NXPE2: variants seen among roughly 807,000 people sequenced by gnomAD.
NXPE2 encodes the protein NXPE family member 2.
NXPE2 carries 34 observed loss-of-function variants against 34.4 expected under a neutral mutation model. That is an observed-to-expected ratio of 0.99 (90% CI 0.75 to 1.31). NXPE2 has a LOEUF of 1.31. Ranked by LOEUF, NXPE2 falls within the 40% of genes most tolerant of loss-of-function variation. The probability of loss-of-function intolerance (pLI) is 0.00; values close to 1 mark genes in which losing one functional copy is unlikely to be tolerated. For synonymous variants in NXPE2, 235 were observed against 231.3 expected (o/e 1.02, Z -0.15); for missense variants, 649 against 672.5 (o/e 0.97, Z 0.39).
chr11:114,787,279 G>A, the NXPE2 span, among the ~76,000 whole-genome samples: 2 of 152,182 alleles, frequency 1.3e-5, no homozygotes, highest in Admixed American at 6.5e-5. Flanking sequence ...GCTCATGCAG[G>A]CAGGCTGGGA....
chr11:114,562,011 T>C, the NXPE2 span, among the ~76,000 whole-genome samples: 61 of 152,224 alleles, frequency 4.0e-4, no homozygotes, highest in Non-Finnish European at 8.1e-4. Flanking sequence ...TAAGTATGGC[T>C]GCAATATCCT....
At chr11:114,674,842 G>T (rs1341511516), upstream of NXPE2, among the ~76,000 whole-genome samples, 1 of 151,598 alleles carries the variant, frequency 6.6e-6, no homozygotes, top group Non-Finnish European at 1.5e-5. Flanking sequence ...AGACAAGGAC[G>T]CTAGGAGAAA....
the NXPE2 span, chr11:114,581,713 A>C: frequency 6.2e-7 from 1 of 1,605,940 alleles, no homozygotes; most frequent in Non-Finnish European, 8.5e-7. Flanking sequence ...CACCAAACAC[A>C]GGAGTACTTA....
chr11:114,774,281 T>C, the NXPE2 span, among the ~76,000 whole-genome samples: 16 of 152,350 alleles, frequency 1.1e-4, 1 homozygote, highest in Middle Eastern at 6.8e-3. Flanking sequence ...AGAACATTTG[T>C]AAAACCTGCC....
the NXPE2 span, among the ~76,000 whole-genome samples, chr11:114,617,319 C>T: frequency 2.0e-5 from 3 of 151,924 alleles, no homozygotes; most frequent in Admixed American, 6.6e-5. Flanking sequence ...AGTTTTGCCT[C>T]GTGGGTAACC....
In NXPE2 at chr11:114,706,710, T is replaced by A. The variant is rs557302723; in HGVS notation, c.1460T>A (p.Leu487His). 4.6e-5 allele frequency: 72 copies of A among 1,552,272 alleles called. No homozygotes were observed. In the East Asian group the frequency reaches 1.6e-3, roughly 35 times the overall value. ...CGAAGCCCGGAGACCAAGGTGATAC[T>A]TAAAACTGAAAACACCAGAGAGATA... is the stretch of plus-strand genomic sequence containing the variant. ...FLRSPETKVI[L>H]KTENTREIEQ... Residue 487 changes from leucine to histidine, a missense_variant, in exon 6 of 6, where the codon CTT (leucine) becomes CAT (histidine). Transcript: ENST00000389586.
chr11:114,624,415 G>A, the NXPE2 span, among the ~76,000 whole-genome samples: 1 of 152,042 alleles, frequency 6.6e-6, no homozygotes, highest in African/African-American at 2.4e-5. Context: ...GGTAACCACT[G>A]TTACCCACTG....
At chr11:114,615,023 T>C in the NXPE2 span, among the ~76,000 whole-genome samples, 1,847 of 151,664 alleles carry the variant, frequency 0.012, 36 homozygotes, top group African/African-American at 0.042. Context: ...TCCTCGTGGG[T>C]AACCAGTGTT....
chr11:114,679,239 T>C (rs1273787856), intron 1 of NXPE2, among the ~76,000 whole-genome samples: 5 of 38,224 alleles, frequency 1.3e-4, no homozygotes, highest in Non-Finnish European at 2.6e-4. Context: ...CCAGACAACA[T>C]GTGTGTGCGT....
the NXPE2 span, among the ~76,000 whole-genome samples, chr11:114,787,914 G>T: frequency 6.6e-6 from 1 of 151,886 alleles, no homozygotes; most frequent in Non-Finnish European, 1.5e-5. Context: ...GCTCTTTCCC[G>T]CTTTCTGCAT....
the NXPE2 span, among the ~76,000 whole-genome samples, chr11:114,804,338 G>A: frequency 6.6e-6 from 1 of 152,210 alleles, no homozygotes; most frequent in African/African-American, 2.4e-5. Context: ...CCTTCACTCA[G>A]GAAACTGTGT....
chr11:114,490,153 C>T, the NXPE2 span, among the ~76,000 whole-genome samples: 58 of 152,180 alleles, frequency 3.8e-4, no homozygotes, highest in Admixed American at 4.6e-4. Flanking sequence ...TTACAAGGGA[C>T]GTGAAGGACC....
chr11:114,668,499 T>C, the NXPE2 span, among the ~76,000 whole-genome samples: 4 of 151,976 alleles, frequency 2.6e-5, no homozygotes, highest in Non-Finnish European at 5.9e-5. Context: ...AACAGTGAGG[T>C]TGAGGTTCTA....
chr11:114,479,464 A>G, the NXPE2 span, among the ~76,000 whole-genome samples: 1 of 152,100 alleles, frequency 6.6e-6, no homozygotes, highest in African/African-American at 2.4e-5. Context: ...TTTAAATGTG[A>G]AAGGAGTTGC....
downstream of NXPE2, among the ~76,000 whole-genome samples, chr11:114,708,474 C>T (rs1045218725): frequency 6.6e-6 from 1 of 152,036 alleles, no homozygotes; most frequent in African/African-American, 2.4e-5. Flanking sequence ...ATTAAGGATA[C>T]TTCCCCTCTT....
At chr11:114,618,751 C>T in the NXPE2 span, among the ~76,000 whole-genome samples, 29,354 of 151,394 alleles carry the variant, frequency 0.19, 3,399 homozygotes, top group African/African-American at 0.33. Flanking sequence ...TTATCTCGTG[C>T]GTAGCCACTG....
chr11:114,724,668 A>AC, the NXPE2 span, among the ~76,000 whole-genome samples: 3 of 151,536 alleles, frequency 2.0e-5, no homozygotes, highest in Middle Eastern at 3.4e-3. Context: ...TCCATTGCAC[A>AC]CCCCCCGCCA....
chr11:114,554,032 C>T, the NXPE2 span: 2 of 985,336 alleles, frequency 2.0e-6, no homozygotes, highest in African/African-American at 1.7e-5. Flanking sequence ...ATGTCTTCTA[C>T]TTTTTCTTCT....
the NXPE2 span, among the ~76,000 whole-genome samples, chr11:114,723,926 C>G: frequency 6.6e-6 from 1 of 152,146 alleles, no homozygotes; most frequent in African/African-American, 2.4e-5. Flanking sequence ...ACCGAACCCT[C>G]TCCTATTTTG....
Sources: gnomAD v4.1 joint callset for allele counts (sites outside exome capture counted in the v4.1 genomes callset) on GRCh38, gnomAD v4.1.1 for gene constraint, MANE v1.5 for transcripts, NCBI Gene and HGNC (gene_info 2026-07-23, HGNC 2026-07-21) for gene names.